TREH: variants seen among roughly 807,000 people sequenced by gnomAD.
TREH encodes the protein alpha,alpha-trehalose glucohydrolase.
TREH carries 69 observed loss-of-function variants against 80.5 expected under a neutral mutation model. That is an observed-to-expected ratio of 0.86 (90% CI 0.71 to 1.05). The LOEUF (loss-of-function observed/expected upper bound fraction) is 1.05, where lower values mean the gene tolerates loss of function less well. Ranked by LOEUF, TREH falls within the 50% of genes least tolerant of loss-of-function variation. The pLI, the probability that TREH is intolerant of heterozygous loss-of-function variation, is 0.00. For synonymous variants in TREH, 309 were observed against 293.5 expected (o/e 1.05, Z -0.54); for missense variants, 716 against 718.8 (o/e 1.00, Z 0.04).
At chr11:118,671,758 A>G (rs1474430564) in intron 1 of TREH, among the ~76,000 whole-genome samples, 3 of 152,166 alleles carry the variant, frequency 2.0e-5, no homozygotes, top group Non-Finnish European at 4.4e-5. Flanking sequence ...TAATCAAACT[A>G]AAAGTCAAGG....
intron 1 of TREH, 57 bp downstream of exon 1, chr11:118,679,482 T>C: frequency 7.0e-7 from 1 of 1,428,754 alleles, no homozygotes; most frequent in East Asian, 2.6e-5. Context: ...GCTTGAGATC[T>C]CATCCCAGCC....
At chr11:118,664,756 G>A (rs1949361045) in intron 1 of TREH, among the ~76,000 whole-genome samples, 1 of 152,158 alleles carries the variant, frequency 6.6e-6, no homozygotes, top group South Asian at 2.1e-4. Flanking sequence ...CGAAACATTT[G>A]CTGTCTACAG....
At chr11:118,664,249 C>T (rs1270464688) in intron 1 of TREH, among the ~76,000 whole-genome samples, 1 of 152,168 alleles carries the variant, frequency 6.6e-6, no homozygotes, top group East Asian at 1.9e-4. Context: ...GGTAGAAAGA[C>T]CTTGTTTGGA....
Position 118,658,668 on chromosome 11 carries a change from T to TG in TREH, c.1599+11dup. On this transcript the variant is annotated intron_variant, in intron 14 of 14. Coordinates refer to ENST00000264029, the MANE Select transcript of TREH (RefSeq NM_007180.3). ...TCCCTGGTGTTGGCCAGCCCACCCC[T>TG]GGCCTGCTCACCTGAACTTCATATT... The TG allele has an allele frequency of 1.3e-6, 2 of 1,582,338 alleles. No homozygotes were observed. The highest frequency in any genetic ancestry group is 1.7e-6 in the Non-Finnish European group (2 of 1,163,962).
intron 1 of TREH, among the ~76,000 whole-genome samples, chr11:118,672,137 C>A (rs1463588718): frequency 2.0e-5 from 3 of 152,140 alleles, no homozygotes; most frequent in Middle Eastern, 3.2e-3. Flanking sequence ...TGGTGGCTCA[C>A]GCCTGTAATC....
At chr11:118,662,129 C>G in intron 4 of TREH, 139 bp from the exon 5 acceptor site, 1 of 672,072 alleles carries the variant, frequency 1.5e-6, no homozygotes. Context: ...CACTGCTACT[C>G]AGCCATGTAA....
rs1342303573 is a variant in TREH, at chr11:118,670,909, C to A, written c.90-7470G>T. ...ATAGTGGACTTCCCTCATTGCATTT[C>A]TTATTAATGCATGGATTCATTCATT... On this transcript the variant is annotated intron_variant, in intron 1 of 14. Coordinates refer to ENST00000264029, the MANE Select transcript of TREH (RefSeq NM_007180.3). Among the ~76,000 whole-genome samples, 6 of 152,204 alleles carry A rather than the reference C, an allele frequency of 3.9e-5. No individual in the cohort carries two copies. The East Asian group carries it at 1.2e-3, about 29-fold the overall frequency.
chr11:118,673,560 C>T (rs1376236453), intron 1 of TREH, among the ~76,000 whole-genome samples: 4 of 152,254 alleles, frequency 2.6e-5, no homozygotes. Context: ...CCATTTATTT[C>T]ATGAACACAC....
At position 118,674,681 on chromosome 11, in the gene TREH, T is replaced by G. The variant is rs1158530841; in HGVS notation, c.89+4858A>C. Among the ~76,000 whole-genome samples the G allele has an allele frequency of 6.6e-6, 1 of 152,178 alleles. No individual in the cohort carries two copies. The highest frequency in any genetic ancestry group is 2.4e-5 in the African/African-American group (1 of 41,434). The stretch of plus-strand genomic sequence containing the variant: ...CCTCAGCCTCCTGAGTAGATGGGAT[T>G]ACAGGTGCGCACCACCACACCCGGC... On this transcript the variant is annotated intron_variant, in intron 1 of 14. Transcript: ENST00000264029. This position sits in a 1 kb window ranked among gnomAD's most constrained non-coding sequence, Gnocchi z 4.4.
At position 118,658,703 on chromosome 11, in the gene TREH, C is replaced by T. The variant is rs782641610; in HGVS notation, c.1576G>A (p.Gly526Arg). The T allele has an allele frequency of 1.9e-6, 3 of 1,601,106 alleles. No homozygotes were observed. The highest frequency in any genetic ancestry group is 1.1e-5 in the South Asian group (1 of 89,316). ...ACCTGAACTTCATATTCTCCTCCCC[C>T]ACCGGGCTGTCCACCGTTGCTGACG... is the stretch of plus-strand genomic sequence containing the variant. ...YDVSNGGQPG[G>R]GGEYEVQEGF... Residue 526 changes from glycine to arginine, a missense_variant, in exon 14 of 15, where the codon GGG becomes AGG. Coordinates refer to ENST00000264029, the MANE Select transcript of TREH (RefSeq NM_007180.3).
chr11:118,662,097 C>G (rs1008681962), intron 4 of TREH, 107 bp from the exon 5 acceptor site: 13 of 844,910 alleles, frequency 1.5e-5, no homozygotes, highest in Non-Finnish European at 2.5e-5. Context: ...TGGAGCCAGG[C>G]AGTTGGGTTC....
rs1331625058 is a variant in TREH, at chr11:118,662,979, A to G, written c.336-11T>C. Reference sequence around the variant, plus strand: ...TGCAGGAACTGGGGGCTGAAAGAACACAGGCCCCACAGGGTTCAAGGAGGC... The same window carrying G: ...TGCAGGAACTGGGGGCTGAAAGAACGCAGGCCCCACAGGGTTCAAGGAGGC... On this transcript the variant is annotated splice_polypyrimidine_tract_variant and intron_variant, in intron 3 of 14. Transcript: ENST00000264029. 1 of 1,611,692 alleles carries G rather than the reference A, an allele frequency of 6.2e-7. No individual in the cohort carries two copies. Among genetic ancestry groups the G allele is most frequent in the East Asian group, 2.2e-5 (1 of 44,830 alleles).
Position 118,659,952 on chromosome 11 carries a change from TG to T in TREH, c.1114del (p.Gln372ArgfsTer16). ...NFYSRLGNDS[Q>X]ATKYRILRSQ... is the part of the protein sequence containing the mutation. Reference sequence around the variant, plus strand: ...CCGCAGGATTCTGTACTTCGTGGCCTGGGAGTCGTTCCCTGGGGCAGTGCTG... The same window carrying T: ...CCGCAGGATTCTGTACTTCGTGGCCTGGAGTCGTTCCCTGGGGCAGTGCTG... On this transcript the variant is annotated frameshift_variant, in exon 11 of 15. Transcript: ENST00000264029. LOFTEE classifies it high-confidence loss of function. The T allele has an allele frequency of 1.3e-6, 2 of 1,551,398 alleles. No individual in the cohort carries two copies. The highest frequency in any genetic ancestry group is 1.7e-6 in the Non-Finnish European group (2 of 1,146,990).
At chr11:118,673,698 G>T (rs1591837021) in intron 1 of TREH, among the ~76,000 whole-genome samples, 2 of 152,202 alleles carry the variant, frequency 1.3e-5, no homozygotes, top group Non-Finnish European at 2.9e-5. Flanking sequence ...TTCCTGTTGT[G>T]ATTTCCATAT....
chr11:118,659,600 C>T, intron 11 of TREH, 119 bp from the exon 12 acceptor site: 2 of 1,356,410 alleles, frequency 1.5e-6, no homozygotes, highest in Non-Finnish European at 1.0e-6. Context: ...TCTCGGCTCA[C>T]AGCTGCCCCC....
At chr11:118,672,065 G>C (rs1949434193) in intron 1 of TREH, among the ~76,000 whole-genome samples, 1 of 152,200 alleles carries the variant, frequency 6.6e-6, no homozygotes. Context: ...ATACTGAAGA[G>C]TATACTTCGA....
chr11:118,660,509 C>T (rs1555144653), intron 10 of TREH, 30 bp downstream of exon 10: 2 of 1,554,648 alleles, frequency 1.3e-6, no homozygotes, highest in Non-Finnish European at 8.7e-7. Context: ...ACCAAGCTCC[C>T]TGCTTTCCCT....
intron 1 of TREH, among the ~76,000 whole-genome samples, chr11:118,669,726 G>A (rs1168191656): frequency 2.0e-5 from 3 of 152,162 alleles, no homozygotes; most frequent in African/African-American, 7.2e-5. Flanking sequence ...GGCAGGAGTC[G>A]CAGGGAGGTG....
At chr11:118,670,221 C>T (rs545136296) in intron 1 of TREH, among the ~76,000 whole-genome samples, 9 of 152,200 alleles carry the variant, frequency 5.9e-5, no homozygotes, top group African/African-American at 1.9e-4. Context: ...GTCCAGTCCT[C>T]GTCCTGAGTC....
Sources: allele counts gnomAD v4.1 joint callset (sites outside exome capture counted in the v4.1 genomes callset), GRCh38; gene constraint gnomAD v4.1.1; non-coding constraint Gnocchi (gnomAD v3.1); transcripts MANE v1.5; gene names NCBI Gene and HGNC (gene_info 2026-07-23, HGNC 2026-07-21).